The following STXBP6 variants were observed in gnomAD, a reference collection of about 807,000 sequenced individuals.
The protein encoded by STXBP6 is syntaxin binding protein 6.
Under a neutral mutation model 26.9 loss-of-function variants are expected in STXBP6, and 21 were observed. That is an observed-to-expected ratio of 0.78 (90% CI 0.55 to 1.12). The LOEUF is 1.12. STXBP6 is among the 50% of genes most tolerant of loss of function. The pLI, the probability that STXBP6 is intolerant of heterozygous loss-of-function variation, is 0.00. For synonymous variants in STXBP6, 97 were observed against 92.6 expected, an observed-to-expected ratio of 1.05 and a Z score of -0.27; for missense variants, 232 against 257.9, an observed-to-expected ratio of 0.90 and a Z score of 0.69.
In STXBP6 at chr14:25,049,969, CT is replaced by C. The variant is rs2075781672; in HGVS notation, c.-125del. ...CCCCGGGGGGCTGCCCCGCGCGGGG[CT>C]CCGGGCTCCGGACAAGGCTTAGCCG... On this transcript the variant is annotated 5_prime_UTR_variant, in exon 1 of 6. Transcript: ENST00000323944. This position sits in a 1 kb window ranked among gnomAD's most constrained non-coding sequence, Gnocchi z 5.6. 1.3e-6 allele frequency: 1 copy of C among 745,616 alleles called. No individual in the cohort carries two copies. Among genetic ancestry groups the C allele is most frequent in the Non-Finnish European group, 1.6e-6 (1 of 611,274 alleles). The allele number at this position is 745,616 out of a possible 1,614,324, so 46.2% of individuals were successfully genotyped here. A position where few individuals can be genotyped will look rare whatever the true frequency, so the allele number is the denominator to read the frequency against.
intron 1 of STXBP6, among the ~76,000 whole-genome samples, chr14:25,001,790 A>G (rs1173009352): frequency 1.3e-5 from 2 of 152,218 alleles, no homozygotes; most frequent in Non-Finnish European, 2.9e-5. Flanking sequence ...TTTTTCTTGC[A>G]CATGGGACAT....
intron 4 of STXBP6, among the ~76,000 whole-genome samples, chr14:24,839,883 C>T (rs961446055): frequency 3.3e-5 from 5 of 152,252 alleles, no homozygotes; most frequent in African/African-American, 1.2e-4. Flanking sequence ...TCTTAACCAC[C>T]GCTTTCTAGA....
chr14:25,018,220 C>T (rs1458292469), intron 1 of STXBP6, among the ~76,000 whole-genome samples: 2 of 152,102 alleles, frequency 1.3e-5, no homozygotes, highest in East Asian at 1.9e-4. Context: ...AGCCATTGCC[C>T]GTGGCTTCTG....
At chr14:24,829,610 AC>A (rs2068395289) in intron 4 of STXBP6, among the ~76,000 whole-genome samples, 1 of 151,712 alleles carries the variant, frequency 6.6e-6, no homozygotes, top group South Asian at 2.1e-4. Flanking sequence ...TTCTATAATC[AC>A]CTAGTAATTC....
At chr14:24,951,774 A>G (rs2073177760) in intron 2 of STXBP6, among the ~76,000 whole-genome samples, 1 of 152,100 alleles carries the variant, frequency 6.6e-6, no homozygotes, top group African/African-American at 2.4e-5. Flanking sequence ...CAAACTGTTC[A>G]AACAGACAGT....
At chr14:24,888,641 T>A (rs903202619) in intron 2 of STXBP6, among the ~76,000 whole-genome samples, 2 of 151,676 alleles carry the variant, frequency 1.3e-5, no homozygotes, top group African/African-American at 4.8e-5. Flanking sequence ...GAGAATTGCT[T>A]GAATCCGGGA....
intron 1 of STXBP6, among the ~76,000 whole-genome samples, chr14:24,980,987 T>C (rs1014220343): frequency 6.6e-6 from 1 of 152,200 alleles, no homozygotes; most frequent in African/African-American, 2.4e-5. Flanking sequence ...TCTGAATGAC[T>C]TCTTCAGTTT....
At chr14:24,907,994 T>C (rs2071443110) in intron 2 of STXBP6, among the ~76,000 whole-genome samples, 1 of 152,036 alleles carries the variant, frequency 6.6e-6, no homozygotes, top group Admixed American at 6.5e-5. Context: ...CCACAGCAAC[T>C]CCCTGAGTTC....
At chr14:24,910,371 G>A (rs1007124131) in intron 2 of STXBP6, among the ~76,000 whole-genome samples, 1 of 152,212 alleles carries the variant, frequency 6.6e-6, no homozygotes, top group African/African-American at 2.4e-5. Flanking sequence ...TAAAGCCAGA[G>A]TTTTTGCCTT....
intron 2 of STXBP6, among the ~76,000 whole-genome samples, chr14:24,956,369 G>A (rs954220710): frequency 6.6e-6 from 1 of 152,160 alleles, no homozygotes; most frequent in African/African-American, 2.4e-5. Flanking sequence ...GTTCTCAGAC[G>A]AAGGTTTTGC....
chr14:24,838,038 ATTT>A (rs1172957123), intron 4 of STXBP6, among the ~76,000 whole-genome samples: 3 of 152,116 alleles, frequency 2.0e-5, no homozygotes, highest in African/African-American at 7.2e-5. Context: ...TCTAATTTTA[ATTT>A]TTATTTTTTG....
At chr14:24,911,958 G>A (rs894377705) in intron 2 of STXBP6, among the ~76,000 whole-genome samples, 1 of 152,074 alleles carries the variant, frequency 6.6e-6, no homozygotes, top group Admixed American at 6.5e-5. Flanking sequence ...TGTCCACATG[G>A]CAGCACTCCA....
chr14:24,915,951 G>T (rs1447810328), intron 2 of STXBP6, among the ~76,000 whole-genome samples: 2 of 152,100 alleles, frequency 1.3e-5, no homozygotes, highest in East Asian at 3.9e-4. Context: ...TCAACAGACA[G>T]ATAGATGCCT....
At chr14:24,913,601 T>C (rs1028288443) in intron 2 of STXBP6, among the ~76,000 whole-genome samples, 14 of 152,218 alleles carry the variant, frequency 9.2e-5, no homozygotes, top group Non-Finnish European at 8.8e-5. Context: ...CTCAGATGTA[T>C]GCTGAGAAGA....
At chr14:24,850,019 A>G in intron 4 of STXBP6, among the ~76,000 whole-genome samples, 1 of 152,166 alleles carries the variant, frequency 6.6e-6, no homozygotes, top group East Asian at 1.9e-4. Flanking sequence ...AACAGAAGGA[A>G]AAATAACATA....
At chr14:24,984,118 G>A (rs1187102213) in intron 1 of STXBP6, among the ~76,000 whole-genome samples, 1 of 152,152 alleles carries the variant, frequency 6.6e-6, no homozygotes, top group Non-Finnish European at 1.5e-5. Context: ...TGTAGTCCCA[G>A]CTACTTGGGG....
intron 1 of STXBP6, among the ~76,000 whole-genome samples, chr14:24,992,679 C>G (rs1311041496): frequency 6.6e-6 from 1 of 152,138 alleles, no homozygotes; most frequent in Non-Finnish European, 1.5e-5. Context: ...AGTTTGCTGA[C>G]CCCTGGATTA....
chr14:25,038,062 A>G (rs1002763406), intron 1 of STXBP6, among the ~76,000 whole-genome samples: 8 of 151,070 alleles, frequency 5.3e-5, no homozygotes, highest in African/African-American at 2.0e-4. Flanking sequence ...TGTTTTTAAA[A>G]ATACGAACAC....
intron 2 of STXBP6, among the ~76,000 whole-genome samples, chr14:24,944,078 G>A (rs1032167465): frequency 6.6e-6 from 1 of 152,140 alleles, no homozygotes; most frequent in Admixed American, 6.5e-5. Context: ...CAGTCAAAAT[G>A]TAGCATCCTC....
Sources: gnomAD v4.1 joint callset for allele counts (sites outside exome capture counted in the v4.1 genomes callset) on GRCh38, gnomAD v4.1.1 for gene constraint, Gnocchi (gnomAD v3.1) non-coding constraint, MANE v1.5 for transcripts, NCBI Gene and HGNC (gene_info 2026-07-23, HGNC 2026-07-21) for gene names.